DLG2: variants seen among roughly 807,000 people sequenced by gnomAD.
DLG2 encodes disks large homolog 2.
DLG2 carries 45 observed loss-of-function variants against 132.5 expected under a neutral mutation model. The observed-to-expected ratio is 0.34, with a 90% CI of 0.27 to 0.44. The LOEUF (loss-of-function observed/expected upper bound fraction) is 0.44. Ranked by LOEUF, DLG2 falls within the 20% of genes least tolerant of loss-of-function variation. The pLI is 1.00. For missense variants in DLG2, 1,045 were observed against 1,196.9 expected, an observed-to-expected ratio of 0.87 and a Z score of 1.87; for synonymous variants, 424 against 419.6, an observed-to-expected ratio of 1.01 and a Z score of -0.13.
chr11:84,936,538 G>C (rs2048766614), intron 6 of DLG2, among the ~76,000 whole-genome samples: 1 of 151,888 alleles, frequency 6.6e-6, no homozygotes, highest in South Asian at 2.1e-4. Context: ...TGATAAGGAA[G>C]ATATATATGT....
At chr11:84,794,689 C>A (rs976080511) in intron 6 of DLG2, among the ~76,000 whole-genome samples, 2 of 152,246 alleles carry the variant, frequency 1.3e-5, no homozygotes, top group Non-Finnish European at 2.9e-5. Context: ...GGTCTCTCCC[C>A]ACTCCTGGCA....
chr11:84,124,450 A>C (rs2094070917), intron 9 of DLG2, among the ~76,000 whole-genome samples: 1 of 152,246 alleles, frequency 6.6e-6, no homozygotes, highest in African/African-American at 2.4e-5. Context: ...ATAAAGAAAC[A>C]CAATATTTGT....
At chr11:83,753,843 TC>T (rs1566831905) in intron 18 of DLG2, among the ~76,000 whole-genome samples, 335 of 10,454 alleles carry the variant, frequency 0.032, 31 homozygotes, top group African/African-American at 0.2. Flanking sequence ...ATGATATATA[TC>T]ATATATATCA....
intron 3 of DLG2, among the ~76,000 whole-genome samples, chr11:85,466,244 C>G (rs1384050267): frequency 6.6e-6 from 1 of 152,076 alleles, no homozygotes; most frequent in Non-Finnish European, 1.5e-5. Context: ...CAAAAATTTT[C>G]TCCCATTCTG....
chr11:84,238,901 C>T (rs1377726309), intron 8 of DLG2, among the ~76,000 whole-genome samples: 2 of 152,078 alleles, frequency 1.3e-5, no homozygotes, highest in African/African-American at 4.8e-5. Context: ...AACGACCACA[C>T]TTTGAAAAGA....
At chr11:85,610,046 T>C (rs1201034704) in intron 2 of DLG2, among the ~76,000 whole-genome samples, 1 of 152,168 alleles carries the variant, frequency 6.6e-6, no homozygotes, top group South Asian at 2.1e-4. Context: ...TGTCCCCTAC[T>C]TGAGAAGGGA....
At chr11:85,538,414 T>C (rs888630013) in intron 3 of DLG2, among the ~76,000 whole-genome samples, 3 of 151,920 alleles carry the variant, frequency 2.0e-5, no homozygotes, top group African/African-American at 7.3e-5. Flanking sequence ...AGTTCAACCA[T>C]TGTGGAAGAC....
intron 11 of DLG2, among the ~76,000 whole-genome samples, chr11:84,055,683 TAGCTTAAGTGACACTTGCTTAC>T (rs1410935546): frequency 1.3e-5 from 2 of 152,136 alleles, no homozygotes; most frequent in Non-Finnish European, 2.9e-5. Flanking sequence ...TTTCAAAGCT[TAGCTTAAGTGACACTTGCTTAC>T]AGAAGTCTCC....
intron 6 of DLG2, among the ~76,000 whole-genome samples, chr11:84,757,415 AAC>A (rs374611438): frequency 2.0e-5 from 3 of 151,894 alleles, no homozygotes; most frequent in African/African-American, 4.8e-5. Context: ...TGTAAATTTA[AAC>A]ACACACACAC....
intron 4 of DLG2, among the ~76,000 whole-genome samples, chr11:85,166,416 AT>A (rs201272237): frequency 6.6e-6 from 1 of 150,418 alleles, no homozygotes; most frequent in African/African-American, 2.4e-5. Flanking sequence ...AAATGCAATC[AT>A]TTTTTTTTCA....
intron 3 of DLG2, among the ~76,000 whole-genome samples, chr11:85,370,956 A>G (rs1346082897): frequency 6.6e-6 from 1 of 152,210 alleles, no homozygotes; most frequent in Non-Finnish European, 1.5e-5. Flanking sequence ...AATCACAACT[A>G]ACATTGTTAT....
At chr11:84,448,724 GTTC>G (rs1439612160) in intron 7 of DLG2, among the ~76,000 whole-genome samples, 1 of 151,884 alleles carries the variant, frequency 6.6e-6, no homozygotes, top group Admixed American at 6.6e-5. Flanking sequence ...CTCAGATTTA[GTTC>G]TTATTATATT....
At chr11:83,515,402 T>C (rs951615404) in intron 21 of DLG2, among the ~76,000 whole-genome samples, 1 of 152,218 alleles carries the variant, frequency 6.6e-6, no homozygotes, top group Admixed American at 6.5e-5. Context: ...ATTGCGTCTA[T>C]TTGATTCTTC....
chr11:84,942,821 G>C (rs140415761), intron 6 of DLG2, among the ~76,000 whole-genome samples: 14 of 152,192 alleles, frequency 9.2e-5, no homozygotes, highest in African/African-American at 3.4e-4. Context: ...GTGGGGTGTT[G>C]AGGTCTCCAG....
intron 4 of DLG2, among the ~76,000 whole-genome samples, chr11:85,182,149 C>T (rs576288054): frequency 6.6e-6 from 1 of 151,988 alleles, no homozygotes; most frequent in Non-Finnish European, 1.5e-5. Flanking sequence ...CCTATTTATT[C>T]CAAGTACTCT....
intron 6 of DLG2, among the ~76,000 whole-genome samples, chr11:84,824,522 G>T (rs957915110): frequency 4.0e-5 from 6 of 151,874 alleles, no homozygotes; most frequent in African/African-American, 1.4e-4. Context: ...TCTTGAGAAG[G>T]TTGCTTTTTA....
At position 83,916,339 on chromosome 11, in the gene DLG2, A is replaced by G. The variant is rs565830314; in HGVS notation, c.1496+13989T>C. On this transcript the variant is annotated intron_variant, in intron 15 of 27. Coordinates refer to ENST00000376104, the MANE Select transcript of DLG2 (RefSeq NM_001142699.3). ...TTTTTGTTTTTTGTTTTTTGAGACAAAAGTCTTGCTCTGTTGCCCAGGCTG... is the reference window on the plus strand; with the variant it reads ...TTTTTGTTTTTTGTTTTTTGAGACAGAAGTCTTGCTCTGTTGCCCAGGCTG... Among the ~76,000 whole-genome samples, 165 of 152,036 alleles carry G rather than the reference A, an allele frequency of 1.1e-3. 2 individuals carry two copies. The highest frequency in any genetic ancestry group is 3.8e-3 in the African/African-American group (159 of 41,506).
intron 6 of DLG2, among the ~76,000 whole-genome samples, chr11:84,662,079 T>C (rs940484204): frequency 6.6e-6 from 1 of 152,042 alleles, no homozygotes; most frequent in African/African-American, 2.4e-5. Context: ...TGTGACATGA[T>C]AATATGGAAG....
rs115226323 is a variant in DLG2, at chr11:84,778,930, T to C, written c.358-244199A>G. 6.6e-3 allele frequency among the ~76,000 whole-genome samples: 998 copies of C among 152,306 alleles called. 13 individuals are homozygous for C. The highest frequency in any genetic ancestry group is 0.022 in the African/African-American group (912 of 41,570). On this transcript the variant is annotated intron_variant, in intron 6 of 27. Transcript: ENST00000376104. The stretch of plus-strand genomic sequence containing the variant: ...TATTTCTCCTGTGAGGGATGCTTCC[T>C]GCTCTTGAACATCAGACTCCAAGTT...
Sources: allele counts gnomAD v4.1 joint callset (sites outside exome capture counted in the v4.1 genomes callset), GRCh38; gene constraint gnomAD v4.1.1; transcripts MANE v1.5; gene names NCBI Gene and HGNC (gene_info 2026-07-23, HGNC 2026-07-21).